The following SORL1 variants were observed in gnomAD, a reference collection of about 807,000 sequenced individuals.
The protein encoded by SORL1 is sortilin-related receptor.
Under a neutral mutation model 273.7 loss-of-function variants are expected in SORL1, and 127 were observed. The observed-to-expected ratio is 0.46, with a 90% CI of 0.40 to 0.54. The LOEUF is 0.54. Among genes scored for constraint, SORL1 ranks in the 20% least tolerant of loss-of-function variants. The pLI, the probability that SORL1 is intolerant of heterozygous loss-of-function variation, is 0.00. For missense variants in SORL1, 2,494 were observed against 2,846.1 expected (o/e 0.88, Z 2.81); for synonymous variants, 1,031 against 1,067.4 (o/e 0.97, Z 0.66).
intron 25 of SORL1, among the ~76,000 whole-genome samples, chr11:121,578,246 G>T (rs1196971591): frequency 6.6e-6 from 1 of 152,128 alleles, no homozygotes; most frequent in Non-Finnish European, 1.5e-5. Flanking sequence ...ACATTTCATG[G>T]TAAGGACAGA....
chr11:121,602,691 C>T (rs1455414003), intron 32 of SORL1, among the ~76,000 whole-genome samples: 1 of 152,182 alleles, frequency 6.6e-6, no homozygotes, highest in Non-Finnish European at 1.5e-5. Flanking sequence ...ATGAAGCTTC[C>T]TTGCTCAGGT....
chr11:121,479,928 G>A lies in SORL1; in HGVS notation c.528+1685G>A, dbSNP rs563641544. On this transcript the variant is annotated intron_variant, in intron 3 of 47. Coordinates refer to ENST00000260197, the MANE Select transcript of SORL1 (RefSeq NM_003105.6). ...AAGGAGAAGGTGTTGGAGGGAATTG[G>A]CCCCATAGACGGGTCAGCCAGCCTT... Among the ~76,000 whole-genome samples, 13 of 152,262 alleles carry A rather than the reference G, an allele frequency of 8.5e-5. No individual in the cohort carries two copies. The East Asian group carries it at 2.3e-3, about 27-fold the overall frequency.
At chr11:121,585,172 C>G (rs936286729) in intron 26 of SORL1, among the ~76,000 whole-genome samples, 1 of 152,144 alleles carries the variant, frequency 6.6e-6, no homozygotes, top group African/African-American at 2.4e-5. Context: ...TTCATTGAAG[C>G]TTTTCTTTTT....
At chr11:121,465,671 G>T (rs567087842) in intron 1 of SORL1, among the ~76,000 whole-genome samples, 2 of 152,292 alleles carry the variant, frequency 1.3e-5, no homozygotes, top group South Asian at 4.1e-4. Context: ...GGGACTACAG[G>T]CACGTGCCAC....
intron 45 of SORL1, among the ~76,000 whole-genome samples, chr11:121,624,641 T>G (rs182177655): frequency 2.6e-4 from 40 of 152,332 alleles, no homozygotes; most frequent in African/African-American, 6.5e-4. Flanking sequence ...ATGTCTTGTC[T>G]TTTCTAATTG....
chr11:121,466,714 G>T (rs1023144013), intron 1 of SORL1, among the ~76,000 whole-genome samples: 5 of 151,884 alleles, frequency 3.3e-5, no homozygotes, highest in African/African-American at 9.7e-5. Context: ...GGTCTGCTGT[G>T]GGGGGATGGG....
At position 121,452,506 on chromosome 11, in the gene SORL1, C is replaced by T. The variant is rs1173349156; in HGVS notation, c.175C>T (p.Arg59Trp). 2 of 1,476,848 alleles carry T rather than the reference C, an allele frequency of 1.4e-6. No individual in the cohort carries two copies. The highest frequency in any genetic ancestry group is 4.9e-5 in the Admixed American group (2 of 41,084). 91.5% of individuals were successfully genotyped at this position (1,476,848 alleles called of 1,614,324 possible). The change falls in exon 1 of 48, where the codon CGG becomes TGG. Residue 59 changes from arginine to tryptophan, a missense_variant. By Grantham distance (101) the Arg-to-Trp change is moderately radical (BLOSUM62 -3). Coordinates refer to ENST00000260197, the MANE Select transcript of SORL1 (RefSeq NM_003105.6). The surrounding 1 kb of genome is among the most constrained non-coding windows in gnomAD (Gnocchi z 5.3). ...GGTGCAGGGCGACCCGCGCGAGCTG[C>T]GGCTGTGGGCGCGCGGGGATGCCAG... ...LVVQGDPREL[R>W]LWARGDARGA...
chr11:121,617,611 A>G (rs1416316879), intron 41 of SORL1, among the ~76,000 whole-genome samples: 1 of 152,154 alleles, frequency 6.6e-6, no homozygotes, highest in Non-Finnish European at 1.5e-5. Context: ...CATCCCATGG[A>G]TCCTGCAGCT....
Position 121,570,221 on chromosome 11 carries a change from G to C in SORL1, c.3288G>C (p.Trp1096Cys), listed in dbSNP as rs1477603016. Residue 1096 changes from tryptophan to cysteine, a missense_variant, in exon 23 of 48, where the codon TGG (tryptophan) becomes TGC (cysteine). Around this residue, in one of 3 missense-constraint regions of SORL1, gnomAD observed 1,609 missense variants for 1,816.4 expected, o/e 0.89. Coordinates refer to ENST00000260197, the MANE Select transcript of SORL1 (RefSeq NM_003105.6). ...SNGNCINSIW[W>C]CDFDNDCGDM... ...GGAACTGTATCAACAGCATTTGGTG[G>C]TGTGACTTTGACAACGACTGTGGAG... 2 of 1,613,966 alleles carry C rather than the reference G, an allele frequency of 1.2e-6. No homozygotes were observed. Among genetic ancestry groups the C allele is most frequent in the African/African-American group, 2.7e-5 (2 of 74,920 alleles).
chr11:121,543,303 T>C (rs149578660), intron 12 of SORL1, among the ~76,000 whole-genome samples: 130 of 152,322 alleles, frequency 8.5e-4, no homozygotes, highest in Middle Eastern at 3.4e-3. Context: ...TACCATCATT[T>C]TTCTTTTTTA....
chr11:121,509,442 AG>A (rs1187694797), intron 6 of SORL1, among the ~76,000 whole-genome samples: 1 of 152,140 alleles, frequency 6.6e-6, no homozygotes, highest in Non-Finnish European at 1.5e-5. Flanking sequence ...ATGGAAATTC[AG>A]GTTATTCAGA....
chr11:121,452,716 C>G lies in SORL1; in HGVS notation c.285+100C>G. The stretch of plus-strand genomic sequence containing the variant: ...TGCAGTCGCCTCCTAGGTGCAGGCA[C>G]CACTGGGGACTTCCCGGCTTGCATT... On this transcript the variant is annotated intron_variant, in intron 1 of 47. Transcript: ENST00000260197. The surrounding 1 kb of genome is among the most constrained non-coding windows in gnomAD (Gnocchi z 5.3). The G allele has an allele frequency of 2.9e-6, 3 of 1,048,020 alleles. No homozygotes were observed. The highest frequency in any genetic ancestry group is 3.8e-6 in the Non-Finnish European group (3 of 781,776). 64.9% of individuals were successfully genotyped at this position (1,048,020 alleles called of 1,614,324 possible). A position where few individuals can be genotyped will look rare whatever the true frequency, so the allele number is the denominator to read the frequency against.
intron 41 of SORL1, among the ~76,000 whole-genome samples, chr11:121,616,939 A>C (rs1863651721): frequency 6.6e-6 from 1 of 152,246 alleles, no homozygotes; most frequent in South Asian, 2.1e-4. Context: ...GGTTTGGTCC[A>C]GAAAGGCAGG....
In SORL1 at chr11:121,630,948, T is replaced by A. The variant is rs1317323142; in HGVS notation, c.*1385T>A. The A allele has an allele frequency of 6.6e-6, 1 of 152,434 alleles. No homozygotes were observed. The highest frequency in any genetic ancestry group is 1.5e-5 in the Non-Finnish European group (1 of 68,172). 9.4% of individuals were successfully genotyped at this position (152,434 alleles called of 1,614,324 possible). On this transcript the variant is annotated 3_prime_UTR_variant, in exon 48 of 48. Coordinates refer to ENST00000260197, the MANE Select transcript of SORL1 (RefSeq NM_003105.6). ...ACCAATGTCGAGCATCGTTGTGACTTGTGCTGTATGATTCTCACTGAAGAA... is the reference window on the plus strand; with the variant it reads ...ACCAATGTCGAGCATCGTTGTGACTAGTGCTGTATGATTCTCACTGAAGAA...
At position 121,586,399 on chromosome 11, in the gene SORL1, T is replaced by G. The variant is rs1863110152; in HGVS notation, c.3814+70T>G. ...TATGAGTGAAGAGCGTATATTGGAC[T>G]AAATCCTTTCATTTCCTCAGTACCT... is the stretch of plus-strand genomic sequence containing the variant. On this transcript the variant is annotated intron_variant, in intron 27 of 47. Transcript: ENST00000260197. The G allele has an allele frequency of 6.8e-6, 8 of 1,174,984 alleles. No individual in the cohort carries two copies. The Admixed American group carries it at 1.4e-4, about 20-fold the overall frequency. 72.8% of individuals were successfully genotyped at this position (1,174,984 alleles called of 1,614,324 possible). A position where few individuals can be genotyped will look rare whatever the true frequency, so the allele number is the denominator to read the frequency against.
chr11:121,619,711 C>T, intron 42 of SORL1, 42 bp from the exon 43 acceptor site: 2 of 1,498,424 alleles, frequency 1.3e-6, no homozygotes, highest in Admixed American at 1.8e-5. Flanking sequence ...TTGCATAAGG[C>T]CATGATGTAT....
At chr11:121,615,154 T>TC in intron 41 of SORL1, 99 bp downstream of exon 41, 5 of 996,178 alleles carry the variant, frequency 5.0e-6, no homozygotes, top group Non-Finnish European at 7.2e-6. Flanking sequence ...TTGCAAATGT[T>TC]CCGGTGCCCC....
Position 121,545,391 on chromosome 11 carries a change from C to T in SORL1, c.2013C>T (p.Val671=), listed in dbSNP as rs1001445118. The T allele has an allele frequency of 1.4e-5, 22 of 1,613,956 alleles. No individual in the cohort carries two copies. Among genetic ancestry groups the T allele is most frequent in the East Asian group, 2.2e-5 (1 of 44,898 alleles). Residue 671 remains valine (V), a synonymous_variant, in exon 14 of 48, where the codon GTC becomes GTT. Coordinates refer to ENST00000260197, the MANE Select transcript of SORL1 (RefSeq NM_003105.6). The part of the protein sequence containing the change: ...FNGEDFDRPV[V]VSNCSCTRED... ...GAGAGGACTTTGACAGGCCGGTGGT[C>T]GTGTCCAACTGCTCCTGCACCCGGG...
intron 46 of SORL1, chr11:121,626,662 C>T (rs1052750311): frequency 6.6e-6 from 1 of 152,402 alleles, no homozygotes; most frequent in Admixed American, 6.5e-5. Context: ...GGGAGCAACC[C>T]TGAGCCTGTT....
Sources: gnomAD v4.1 joint callset for allele counts (sites outside exome capture counted in the v4.1 genomes callset) on GRCh38, gnomAD v4.1.1 for gene constraint, gnomAD v4.1.1 regional missense constraint, Gnocchi (gnomAD v3.1) non-coding constraint, MANE v1.5 for transcripts, NCBI Gene and HGNC (gene_info 2026-07-23, HGNC 2026-07-21) for gene names.